The following TLE1 variants were observed in gnomAD, a reference collection of about 807,000 sequenced individuals.
TLE1 encodes transducin-like enhancer protein 1.
A neutral mutation model predicts 89.8 loss-of-function variants in TLE1; 21 were observed. The ratio of observed to expected loss-of-function variants is 0.23; its 90% CI spans 0.17 to 0.34. TLE1 has a LOEUF of 0.34. Ranked by LOEUF, TLE1 falls within the 10% of genes least tolerant of loss-of-function variation. TLE1 has a pLI of 1.00. For missense variants in TLE1, 795 were observed against 1,031.2 expected (o/e 0.77, Z 3.14); for synonymous variants, 447 against 407.6 (o/e 1.10, Z -1.16).
intron 4 of TLE1, among the ~76,000 whole-genome samples, chr9:81,681,609 T>C (rs147792854): frequency 7.9e-5 from 12 of 151,686 alleles, no homozygotes; most frequent in African/African-American, 2.7e-4. Context: ...GCTCTCACTC[T>C]GCCCATTCTT....
chr9:81,612,469 G>C (rs767121039), intron 12 of TLE1: 1 of 673,496 alleles, frequency 1.5e-6, no homozygotes, highest in African/African-American at 2.0e-5. Context: ...CCAGGTTGTT[G>C]CTTTTTTCCT....
At chr9:81,634,416 G>GA in intron 6 of TLE1, 115 bp from the exon 7 acceptor site, 1 of 829,058 alleles carries the variant, frequency 1.2e-6, no homozygotes, top group Non-Finnish European at 1.8e-6. Context: ...GGGGAAGGCG[G>GA]AAACAGAACA....
At chr9:81,675,987 C>A (rs372992648) in intron 4 of TLE1, among the ~76,000 whole-genome samples, 1 of 152,132 alleles carries the variant, frequency 6.6e-6, no homozygotes, top group African/African-American at 2.4e-5. Flanking sequence ...GCGTGAGCCA[C>A]CACACCAGGC....
chr9:81,685,629 A>C, intron 4 of TLE1, 47 bp downstream of exon 4: 2 of 1,594,522 alleles, frequency 1.3e-6, no homozygotes. Flanking sequence ...TTATTAAATC[A>C]TATGAACTGA....
chr9:81,673,826 G>A (rs768898056), intron 4 of TLE1, among the ~76,000 whole-genome samples: 6 of 152,078 alleles, frequency 3.9e-5, no homozygotes, highest in African/African-American at 1.2e-4. Context: ...CCAAAAAGCC[G>A]ACTTCTGAAA....
intron 4 of TLE1, among the ~76,000 whole-genome samples, 188 bp downstream of exon 4, chr9:81,685,488 A>C (rs1458043878): frequency 6.6e-6 from 1 of 152,164 alleles, no homozygotes; most frequent in African/African-American, 2.4e-5. Context: ...AGTCATTTAA[A>C]CACTTGTAAT....
chr9:81,635,579 A>C (rs1827263274), intron 6 of TLE1, among the ~76,000 whole-genome samples: 1 of 152,212 alleles, frequency 6.6e-6, no homozygotes, highest in Non-Finnish European at 1.5e-5. Flanking sequence ...AAAATGATTA[A>C]GGCTCAATTT....
chr9:81,613,271 G>A lies in TLE1; in HGVS notation c.1063+106C>T, dbSNP rs181437778. ...GAGATAGGAAGGAGGGTGGCCCTAC[G>A]TACATTTCATATTTGTAGGGCAATT... On this transcript the variant is annotated intron_variant, in intron 12 of 19. Transcript: ENST00000376499. 261 of 1,465,042 alleles carry A rather than the reference G, an allele frequency of 1.8e-4. No homozygotes were observed. The African/African-American group carries it at 3.1e-3, about 17-fold the overall frequency. The allele number at this position is 1,465,042 out of a possible 1,614,324, so 90.8% of individuals were successfully genotyped here. A position where few individuals can be genotyped will look rare whatever the true frequency, so the allele number is the denominator to read the frequency against.
intron 2 of TLE1, among the ~76,000 whole-genome samples, chr9:81,687,088 T>G (rs1005853790): frequency 2.0e-5 from 3 of 151,632 alleles, no homozygotes; most frequent in Non-Finnish European, 4.4e-5. Flanking sequence ...CCTAAAGACA[T>G]GAAAAAGGAC....
At chr9:81,681,576 T>A (rs997644186) in intron 4 of TLE1, among the ~76,000 whole-genome samples, 2 of 151,496 alleles carry the variant, frequency 1.3e-5, no homozygotes, top group African/African-American at 2.4e-5. Context: ...AAAAAAATTC[T>A]TCACCATCCT....
At chr9:81,649,807 A>G (rs922158328) in intron 6 of TLE1, among the ~76,000 whole-genome samples, 2 of 152,194 alleles carry the variant, frequency 1.3e-5, no homozygotes, top group African/African-American at 4.8e-5. Flanking sequence ...GAAGGGGTGC[A>G]AAGGTCCACT....
chr9:81,684,260 A>C (rs1449164807), intron 4 of TLE1, among the ~76,000 whole-genome samples: 2 of 152,184 alleles, frequency 1.3e-5, no homozygotes, highest in African/African-American at 4.8e-5. Flanking sequence ...TCAAGAAGTT[A>C]CAAGTGCCTG....
At chr9:81,657,231 C>T (rs757183805) in intron 4 of TLE1, among the ~76,000 whole-genome samples, 13 of 152,086 alleles carry the variant, frequency 8.5e-5, no homozygotes, top group Non-Finnish European at 1.8e-4. Flanking sequence ...TCAGAGTTTG[C>T]TCAGCTTGCC....
rs1368060602 is a variant in TLE1, at chr9:81,687,325, G to A, written c.125+9C>T. The stretch of plus-strand genomic sequence containing the variant: ...CGCGACCACTCGCATGGCGCGGCCG[G>A]ACACGCACCTGTGATACTGCGCCTG... On this transcript the variant is annotated intron_variant, in intron 2 of 19. Transcript: ENST00000376499. 2 of 1,597,982 alleles carry A rather than the reference G, an allele frequency of 1.3e-6. No homozygotes were observed. The highest frequency in any genetic ancestry group is 1.3e-5 in the African/African-American group (1 of 74,750).
chr9:81,653,065 G>A (rs573088664), intron 5 of TLE1, among the ~76,000 whole-genome samples: 3 of 152,160 alleles, frequency 2.0e-5, no homozygotes, highest in East Asian at 3.8e-4. Flanking sequence ...GGAGGCATGA[G>A]AATGTAACAT....
chr9:81,636,424 G>GT (rs1259394357), intron 6 of TLE1, among the ~76,000 whole-genome samples: 3 of 126,552 alleles, frequency 2.4e-5, no homozygotes, highest in Admixed American at 9.4e-5. Context: ...TACTTGGAGA[G>GT]TAAGAGCTGT....
chr9:81,584,472 G>T lies in TLE1; in HGVS notation c.2181C>A (p.Thr727=). ...CCTGGAATATGCTGGCTCCATAGGGGGTCCGCCAAGCATTGAGGAGGTTAT... is the reference window on the plus strand; with the variant it reads ...CCTGGAATATGCTGGCTCCATAGGGTGTCCGCCAAGCATTGAGGAGGTTAT... ...GKDNLLNAWR[T]PYGASIFQSK... The change falls in exon 19 of 20, where the codon ACC becomes ACA. Residue 727 remains threonine, a synonymous_variant. Transcript: ENST00000376499. 1 of 1,614,070 alleles carries T rather than the reference G, an allele frequency of 6.2e-7. No individual in the cohort carries two copies. The highest frequency in any genetic ancestry group is 1.1e-5 in the South Asian group (1 of 91,068).
At chr9:81,669,645 AG>A (rs1831960140) in intron 4 of TLE1, among the ~76,000 whole-genome samples, 1 of 152,014 alleles carries the variant, frequency 6.6e-6, no homozygotes, top group South Asian at 2.1e-4. Context: ...GCACACAAAG[AG>A]GAAGGGCAGT....
chr9:81,688,510 G>T lies in TLE1; in HGVS notation c.-270C>A, dbSNP rs114044562. ...CTTCAAGAACCTGCGCGGAGACGTC[G>T]GGCGCTCGGGGACTGTGCGCGGGGG... On this transcript the variant is annotated 5_prime_UTR_variant, in exon 1 of 20. Coordinates refer to ENST00000376499, the MANE Select transcript of TLE1 (RefSeq NM_005077.5). 0.012 allele frequency: 4,778 copies of T among 382,520 alleles called. 212 individuals are homozygous for T. Among genetic ancestry groups the T allele is most frequent in the African/African-American group, 0.09 (4,273 of 47,216 alleles). 23.7% of individuals were successfully genotyped at this position (382,520 alleles called of 1,614,324 possible). A position where few individuals can be genotyped will look rare whatever the true frequency, so the allele number is the denominator to read the frequency against.
Sources: gnomAD v4.1 joint callset for allele counts (sites outside exome capture counted in the v4.1 genomes callset) on GRCh38, gnomAD v4.1.1 for gene constraint, MANE v1.5 for transcripts, NCBI Gene and HGNC (gene_info 2026-07-23, HGNC 2026-07-21) for gene names.